The following PDE3B variants were observed in gnomAD, a reference collection of about 807,000 sequenced individuals.
The protein encoded by PDE3B is phosphodiesterase 3B.
In PDE3B, 66 loss-of-function variants were observed where a neutral mutation model predicts 116.8. The ratio of observed to expected loss-of-function variants is 0.56; its 90% confidence interval spans 0.46 to 0.69. The LOEUF (loss-of-function observed/expected upper bound fraction) is 0.69. Among genes scored for constraint, PDE3B ranks in the 30% least tolerant of loss-of-function variants. The pLI, the probability that PDE3B is intolerant of heterozygous loss-of-function variation, is 0.00. For missense variants in PDE3B, 1,384 were observed against 1,368.1 expected (o/e 1.01, Z -0.18); for synonymous variants, 595 against 533.6 (o/e 1.12, Z -1.59).
At chr11:14,682,784 T>A (rs2133795885) in intron 1 of PDE3B, among the ~76,000 whole-genome samples, 1 of 152,042 alleles carries the variant, frequency 6.6e-6, no homozygotes, top group South Asian at 2.1e-4. Context: ...TAGTTTTTTG[T>A]TGTTTTTTTT....
At chr11:14,698,376 T>C (rs1855271578) in intron 1 of PDE3B, among the ~76,000 whole-genome samples, 1 of 151,948 alleles carries the variant, frequency 6.6e-6, no homozygotes, top group Non-Finnish European at 1.5e-5. Context: ...TTTTTAAAGA[T>C]GGGTCTCACT....
At chr11:14,682,063 A>C (rs1054380227) in intron 1 of PDE3B, among the ~76,000 whole-genome samples, 1 of 152,216 alleles carries the variant, frequency 6.6e-6, no homozygotes, top group Non-Finnish European at 1.5e-5. Flanking sequence ...TTATTAAGAG[A>C]ATCACAAGGA....
chr11:14,810,997 C>A (rs1448714413), intron 5 of PDE3B, among the ~76,000 whole-genome samples: 2 of 151,660 alleles, frequency 1.3e-5, no homozygotes, highest in African/African-American at 2.4e-5. Context: ...TGTCCTTTGC[C>A]CACTTGTTGA....
intron 2 of PDE3B, chr11:14,776,601 A>G (rs766016878): frequency 3.9e-5 from 6 of 151,966 alleles, no homozygotes; most frequent in Non-Finnish European, 7.4e-5. Context: ...AACCTGCACA[A>G]TGTGCACATG....
rs778473128 is a variant in PDE3B at position 14,789,139 on chromosome 11, C to T, written c.1312C>T (p.Leu438=). The T allele has an allele frequency of 6.2e-7, 1 of 1,610,976 alleles. No individual in the cohort carries two copies. The highest frequency in any genetic ancestry group is 1.1e-5 in the South Asian group (1 of 90,868). Residue 438 remains leucine, a synonymous_variant, in exon 4 of 16, where the codon CTG becomes TTG. Transcript: ENST00000282096. ...TAGGAATAGTTTGCCAACTCCACAG[C>T]TGAGGAGAAGCTCAGGAACTTCAGG... ...LNRNSLPTPQ[L]RRSSGTSGLL... is the part of the protein sequence containing the mutation.
At chr11:14,838,822 A>G (rs1193793740) in intron 11 of PDE3B, among the ~76,000 whole-genome samples, 1 of 152,218 alleles carries the variant, frequency 6.6e-6, no homozygotes, top group Non-Finnish European at 1.5e-5. Flanking sequence ...GAGTCAGTGT[A>G]TTAGCTTGAG....
the PDE3B span, among the ~76,000 whole-genome samples, chr11:14,895,749 A>G: frequency 6.6e-6 from 1 of 152,210 alleles, no homozygotes; most frequent in South Asian, 2.1e-4. Context: ...ATTAAATGAT[A>G]CTAATTGAAC....
chr11:14,899,163 T>G, the PDE3B span, among the ~76,000 whole-genome samples: 54 of 152,336 alleles, frequency 3.5e-4, no homozygotes, highest in South Asian at 0.01. Flanking sequence ...TACCTCATTT[T>G]TTCGCACTGC....
the PDE3B span, among the ~76,000 whole-genome samples, chr11:14,895,308 C>A: frequency 6.6e-6 from 1 of 152,172 alleles, no homozygotes; most frequent in South Asian, 2.1e-4. Flanking sequence ...CCAAGCTGAG[C>A]CATACTGGAG....
chr11:14,702,277 T>G (rs756350376), intron 1 of PDE3B, among the ~76,000 whole-genome samples: 2 of 151,850 alleles, frequency 1.3e-5, no homozygotes, highest in Non-Finnish European at 2.9e-5. Flanking sequence ...ACAACATCTA[T>G]TCTTATTTTT....
At chr11:14,678,064 G>A (rs993436731) in intron 1 of PDE3B, among the ~76,000 whole-genome samples, 1 of 152,122 alleles carries the variant, frequency 6.6e-6, no homozygotes, top group Non-Finnish European at 1.5e-5. Context: ...GAGTAGCTGG[G>A]ATTACAGGCA....
chr11:14,800,281 G>A (rs562484083), intron 4 of PDE3B, among the ~76,000 whole-genome samples: 2 of 152,196 alleles, frequency 1.3e-5, no homozygotes, highest in African/African-American at 4.8e-5. Flanking sequence ...CCTGACCAAC[G>A]TGGTGAAACC....
At chr11:14,802,201 A>G (rs1444593045) in intron 4 of PDE3B, among the ~76,000 whole-genome samples, 2 of 152,076 alleles carry the variant, frequency 1.3e-5, no homozygotes, top group Admixed American at 6.6e-5. Flanking sequence ...TACAACAACA[A>G]AAAAAACTCT....
chr11:14,776,664 A>G (rs1157903968), intron 2 of PDE3B: 1 of 144,396 alleles, frequency 6.9e-6, no homozygotes, highest in East Asian at 2.0e-4. Context: ...TAGTAATAAT[A>G]AAAAAAAAAG....
chr11:14,739,088 C>CT (rs1343640495), intron 1 of PDE3B, among the ~76,000 whole-genome samples: 3 of 152,118 alleles, frequency 2.0e-5, no homozygotes, highest in Non-Finnish European at 4.4e-5. Context: ...TATGCAGGCC[C>CT]TTTTTTGGGT....
intron 1 of PDE3B, among the ~76,000 whole-genome samples, chr11:14,721,519 C>T (rs1054663273): frequency 3.3e-5 from 5 of 151,588 alleles, no homozygotes; most frequent in African/African-American, 7.3e-5. Flanking sequence ...GACTTGGAAC[C>T]GACCCAAATG....
chr11:14,879,098 G>A, the PDE3B span: 763 of 1,601,332 alleles, frequency 4.8e-4, 5 homozygotes, highest in Non-Finnish European at 8.4e-5. Flanking sequence ...GTTACGCCCC[G>A]TGAAAGTTCT....
chr11:14,845,220 G>C (rs944888277), intron 12 of PDE3B, among the ~76,000 whole-genome samples: 1 of 152,056 alleles, frequency 6.6e-6, no homozygotes, highest in African/African-American at 2.4e-5. Context: ...CTGGTACCCA[G>C]GCAAACAGGG....
the PDE3B span, chr11:14,885,729 A>G: frequency 6.3e-7 from 1 of 1,589,214 alleles, no homozygotes; most frequent in South Asian, 1.1e-5. Context: ...AAGGAATGTG[A>G]TTTAAAATAT....
Sources: gnomAD v4.1 joint callset for allele counts (sites outside exome capture counted in the v4.1 genomes callset) on GRCh38, gnomAD v4.1.1 for gene constraint, MANE v1.5 for transcripts, NCBI Gene and HGNC (gene_info 2026-07-23, HGNC 2026-07-21) for gene names.